The following LGSN variants were observed in gnomAD, a reference collection of about 807,000 sequenced individuals.
The protein encoded by LGSN is lengsin, lens protein with glutamine synthetase domain.
LGSN carries 21 observed loss-of-function variants against 19.5 expected under a neutral mutation model. The ratio of observed to expected loss-of-function variants is 1.07; its 90% CI spans 0.76 to 1.55. The LOEUF (loss-of-function observed/expected upper bound fraction) is 1.55. Ranked by LOEUF, LGSN falls within the 40% of genes most tolerant of loss-of-function variation. The pLI, the probability that LGSN is intolerant of heterozygous loss-of-function variation, is 0.00. For synonymous variants in LGSN, 257 were observed against 215.6 expected (o/e 1.19, Z -1.68); for missense variants, 673 against 608.5 (o/e 1.11, Z -1.12).
chr6:63,390,053 G>A, the LGSN span, among the ~76,000 whole-genome samples: 1 of 149,950 alleles, frequency 6.7e-6, no homozygotes, highest in East Asian at 1.9e-4. Flanking sequence ...GACTCTAATG[G>A]TCTCAGAAAC....
chr6:63,362,180 T>C, the LGSN span, among the ~76,000 whole-genome samples: 1 of 152,142 alleles, frequency 6.6e-6, no homozygotes, highest in Non-Finnish European at 1.5e-5. Context: ...TAAATATATA[T>C]AAGTAGAAGG....
the LGSN span, among the ~76,000 whole-genome samples, chr6:63,378,846 T>G: frequency 2.0e-5 from 3 of 152,292 alleles, no homozygotes; most frequent in East Asian, 5.8e-4. Flanking sequence ...AATTTCAACA[T>G]GTGATTTGGG....
chr6:63,376,608 C>A, the LGSN span, among the ~76,000 whole-genome samples: 20 of 152,300 alleles, frequency 1.3e-4, no homozygotes, highest in East Asian at 2.5e-3. Context: ...TCACCTATTG[C>A]ATTTCTCTTT....
At chr6:63,309,371 G>T (rs1562017468) in intron 1 of LGSN, among the ~76,000 whole-genome samples, 1 of 152,296 alleles carries the variant, frequency 6.6e-6, no homozygotes, top group East Asian at 1.9e-4. Context: ...GGCAGAGGTT[G>T]CAGTGAGCCG....
chr6:63,285,314 A>G (rs2127383359), intron 3 of LGSN, among the ~76,000 whole-genome samples: 1 of 152,324 alleles, frequency 6.6e-6, no homozygotes, highest in East Asian at 1.9e-4. Flanking sequence ...CTGTAGAGCA[A>G]AATTATTCAA....
At chr6:63,316,057 C>G (rs1768838201) in intron 1 of LGSN, among the ~76,000 whole-genome samples, 1 of 152,058 alleles carries the variant, frequency 6.6e-6, no homozygotes, top group Admixed American at 6.6e-5. Context: ...AGTTTCTCAT[C>G]TCCAAGCACA....
chr6:63,457,577 G>A, the LGSN span, among the ~76,000 whole-genome samples: 2 of 151,716 alleles, frequency 1.3e-5, no homozygotes, highest in African/African-American at 4.8e-5. Context: ...CTGGAATTTA[G>A]GTTTTTAAAT....
the LGSN span, among the ~76,000 whole-genome samples, chr6:63,464,363 T>C: frequency 6.6e-6 from 1 of 152,050 alleles, no homozygotes; most frequent in Non-Finnish European, 1.5e-5. Flanking sequence ...TTCTCAGTTG[T>C]TTGCTTTCTC....
chr6:63,503,773 G>A, the LGSN span, among the ~76,000 whole-genome samples: 8 of 151,972 alleles, frequency 5.3e-5, no homozygotes, highest in East Asian at 1.9e-4. Context: ...AAAATTAGCC[G>A]GGGACAGTGG....
At chr6:63,320,403 A>T (rs1232222794), upstream of LGSN, among the ~76,000 whole-genome samples, 1 of 152,220 alleles carries the variant, frequency 6.6e-6, no homozygotes, top group East Asian at 1.9e-4. Context: ...TACCAATGGC[A>T]AAGATCCACT....
the LGSN span, among the ~76,000 whole-genome samples, chr6:63,456,509 C>G: frequency 6.6e-6 from 1 of 150,844 alleles, no homozygotes; most frequent in South Asian, 2.1e-4. Flanking sequence ...CAGCCATGAG[C>G]CACCACACAA....
At chr6:63,539,041 C>T in the LGSN span, among the ~76,000 whole-genome samples, 6 of 152,036 alleles carry the variant, frequency 3.9e-5, no homozygotes, top group East Asian at 1.9e-4. Flanking sequence ...TACAGGTGTG[C>T]GCCACCATAC....
the LGSN span, among the ~76,000 whole-genome samples, chr6:63,538,041 G>C: frequency 0.017 from 2,581 of 152,322 alleles, 28 homozygotes; most frequent in Non-Finnish European, 0.026. Flanking sequence ...AAGAAAGAAA[G>C]ATAAATTATC....
At chr6:63,557,501 G>A in the LGSN span, among the ~76,000 whole-genome samples, 1 of 152,106 alleles carries the variant, frequency 6.6e-6, no homozygotes, top group African/African-American at 2.4e-5. Context: ...TATATATGGA[G>A]GTTGCAGTGA....
the LGSN span, among the ~76,000 whole-genome samples, chr6:63,493,289 G>A: frequency 6.6e-6 from 1 of 152,192 alleles, no homozygotes; most frequent in South Asian, 2.1e-4. Context: ...ATGCAAATGT[G>A]TTAAAAGCAA....
chr6:63,300,256 C>A (rs569290153), intron 1 of LGSN, among the ~76,000 whole-genome samples: 1 of 152,258 alleles, frequency 6.6e-6, no homozygotes, highest in East Asian at 1.9e-4. Context: ...AATTAGGGAC[C>A]CAGATGGGCC....
chr6:63,420,448 A>G, the LGSN span, among the ~76,000 whole-genome samples: 3 of 152,290 alleles, frequency 2.0e-5, no homozygotes, highest in South Asian at 2.1e-4. Flanking sequence ...TAAAGGCTTG[A>G]CTGTTACTTT....
the LGSN span, among the ~76,000 whole-genome samples, chr6:63,538,766 A>AC: frequency 2.0e-5 from 3 of 152,140 alleles, no homozygotes; most frequent in Non-Finnish European, 4.4e-5. Context: ...GATGGGCCCC[A>AC]CCTCCAGAGT....
the LGSN span, among the ~76,000 whole-genome samples, chr6:63,377,931 A>AAAAG: frequency 8.0e-6 from 1 of 125,446 alleles, no homozygotes; most frequent in Non-Finnish European, 1.6e-5. Context: ...AAAAAAAAAA[A>AAAAG]AAAAGAAAAG....
Sources: allele counts gnomAD v4.1 joint callset (sites outside exome capture counted in the v4.1 genomes callset), GRCh38; gene constraint gnomAD v4.1.1; transcripts MANE v1.5; gene names NCBI Gene and HGNC (gene_info 2026-07-23, HGNC 2026-07-21).